PRKAG2: variants seen among roughly 807,000 people sequenced by gnomAD.
The protein encoded by PRKAG2 is 5'-AMP-activated protein kinase subunit gamma-2.
In PRKAG2, 26 loss-of-function variants were observed where a neutral mutation model predicts 69.6. The ratio of observed to expected loss-of-function variants is 0.37; its 90% CI spans 0.27 to 0.52. The LOEUF is 0.52. PRKAG2 is among the 20% of genes least tolerant of loss of function. The probability of loss-of-function intolerance (pLI) is 0.90; values close to 1 mark genes in which losing one functional copy is unlikely to be tolerated. For synonymous variants in PRKAG2, 293 were observed against 285.0 expected (o/e 1.03, Z -0.28); for missense variants, 557 against 740.0 (o/e 0.75, Z 2.87).
chr7:151,765,664 G>T (rs1409835922), intron 3 of PRKAG2, among the ~76,000 whole-genome samples: 2 of 152,106 alleles, frequency 1.3e-5, no homozygotes, highest in Non-Finnish European at 2.9e-5. Context: ...AATTACACCT[G>T]CCATGACCCT....
chr7:151,596,179 A>T (rs1814472328), intron 5 of PRKAG2, among the ~76,000 whole-genome samples: 1 of 152,186 alleles, frequency 6.6e-6, no homozygotes, highest in African/African-American at 2.4e-5. Flanking sequence ...AAGGAAGTTA[A>T]ATTGTCCCTG....
chr7:151,869,828 T>C (rs931111552), intron 1 of PRKAG2, among the ~76,000 whole-genome samples: 4 of 152,208 alleles, frequency 2.6e-5, no homozygotes, highest in Non-Finnish European at 5.9e-5. Context: ...CACAGGCCAG[T>C]CTGAGGACCC....
chr7:151,803,711 G>GT (rs566033763), intron 1 of PRKAG2, among the ~76,000 whole-genome samples: 2,193 of 141,694 alleles, frequency 0.015, 39 homozygotes, highest in African/African-American at 0.028. Context: ...TATCCAGCTT[G>GT]TTTTTTTTTT....
At position 151,835,659 on chromosome 7, in the gene PRKAG2, G is replaced by A. The variant is rs1424987271; in HGVS notation, c.114+40848C>T. Among the ~76,000 whole-genome samples the A allele has an allele frequency of 1.3e-5, 2 of 152,216 alleles. No individual in the cohort carries two copies. The highest frequency in any genetic ancestry group is 2.9e-5 in the Non-Finnish European group (2 of 68,040). On this transcript the variant is annotated intron_variant, in intron 1 of 15. Coordinates refer to ENST00000287878, the MANE Select transcript of PRKAG2 (RefSeq NM_016203.4). The surrounding 1 kb of genome is among the most constrained non-coding windows in gnomAD (Gnocchi z 4.1). Reference sequence around the variant, plus strand: ...AAATTGTCATCACTTGCCAGATAAGGAGAGGTTGCTGTATGGACAGACACA... The same window carrying A: ...AAATTGTCATCACTTGCCAGATAAGAAGAGGTTGCTGTATGGACAGACACA...
chr7:151,671,043 G>A (rs1185649671), intron 4 of PRKAG2, among the ~76,000 whole-genome samples: 1 of 151,974 alleles, frequency 6.6e-6, no homozygotes, highest in Non-Finnish European at 1.5e-5. Flanking sequence ...GTGTGGTGGT[G>A]CATGCCTGTA....
At chr7:151,657,943 AG>A (rs939440512) in intron 4 of PRKAG2, among the ~76,000 whole-genome samples, 3 of 150,862 alleles carry the variant, frequency 2.0e-5, no homozygotes, top group Non-Finnish European at 4.4e-5. Context: ...GGATCACTTG[AG>A]GTCAGGAGTT....
intron 1 of PRKAG2, among the ~76,000 whole-genome samples, chr7:151,852,804 T>C (rs6464176): frequency 0.078 from 11,911 of 152,072 alleles, 945 homozygotes; most frequent in East Asian, 0.39. Context: ...CCACGAGAAT[T>C]AGCTTAGATC....
chr7:151,771,661 T>C lies in PRKAG2; in HGVS notation c.466+9491A>G, dbSNP rs1266067168. ...ACTGGTTTGTAAATATCTTTGTACA[T>C]TAGGGATATTAGTCCTCCATCAATT... On this transcript the variant is annotated intron_variant, in intron 3 of 15. Transcript: ENST00000287878. This position sits in a 1 kb window ranked among gnomAD's most constrained non-coding sequence, Gnocchi z 4.0. 6.6e-6 allele frequency among the ~76,000 whole-genome samples: 1 copy of C among 152,210 alleles called. No individual in the cohort carries two copies. Among genetic ancestry groups the C allele is most frequent in the Non-Finnish European group, 1.5e-5 (1 of 68,048 alleles).
At chr7:151,594,186 G>GA (rs1273210881) in intron 6 of PRKAG2, among the ~76,000 whole-genome samples, 2 of 152,206 alleles carry the variant, frequency 1.3e-5, no homozygotes, top group East Asian at 3.9e-4. Flanking sequence ...CCCTTCCAGG[G>GA]CCCTTGCTGG....
chr7:151,775,055 G>A (rs996798160), intron 3 of PRKAG2, among the ~76,000 whole-genome samples: 3 of 152,168 alleles, frequency 2.0e-5, no homozygotes, highest in Admixed American at 1.3e-4. Flanking sequence ...AGGCTGCATC[G>A]CCCTCCATGG....
intron 5 of PRKAG2, among the ~76,000 whole-genome samples, chr7:151,613,338 T>G (rs1819316961): frequency 1.3e-5 from 2 of 152,162 alleles, no homozygotes; most frequent in African/African-American, 4.8e-5. Flanking sequence ...ATCCAAATTT[T>G]TTTGAGCATC....
intron 14 of PRKAG2, among the ~76,000 whole-genome samples, chr7:151,563,717 C>A (rs1805598490): frequency 6.6e-6 from 1 of 152,182 alleles, no homozygotes; most frequent in South Asian, 2.1e-4. Flanking sequence ...TTAGCTATGA[C>A]TACAGGTCCA....
chr7:151,626,991 G>A (rs1823108063), intron 5 of PRKAG2, among the ~76,000 whole-genome samples: 1 of 152,172 alleles, frequency 6.6e-6, no homozygotes, highest in Non-Finnish European at 1.5e-5. Flanking sequence ...GAATGAATGA[G>A]TTTTGAGTGA....
intron 1 of PRKAG2, among the ~76,000 whole-genome samples, chr7:151,875,362 A>C (rs1439089875): frequency 6.6e-6 from 1 of 152,180 alleles, no homozygotes; most frequent in Non-Finnish European, 1.5e-5. Context: ...CGGGGCGTCT[A>C]AAAGAAGGGT....
chr7:151,628,827 A>G (rs1352602379), intron 5 of PRKAG2, among the ~76,000 whole-genome samples: 1 of 152,256 alleles, frequency 6.6e-6, no homozygotes, highest in Non-Finnish European at 1.5e-5. Flanking sequence ...AGCACTGCTG[A>G]GAACTTGCTA....
At chr7:151,858,676 T>C (rs1280345165) in intron 1 of PRKAG2, among the ~76,000 whole-genome samples, 2 of 152,140 alleles carry the variant, frequency 1.3e-5, no homozygotes, top group Non-Finnish European at 2.9e-5. Flanking sequence ...GAAGAAGGGG[T>C]GACATCGTCA....
At chr7:151,706,634 G>A (rs1838660827) in intron 3 of PRKAG2, among the ~76,000 whole-genome samples, 1 of 152,332 alleles carries the variant, frequency 6.6e-6, no homozygotes, top group African/African-American at 2.4e-5. Flanking sequence ...GGTTTTTATA[G>A]AATTTCAAGC....
At position 151,676,384 on chromosome 7, in the gene PRKAG2, T is replaced by G. The variant is rs570560565; in HGVS notation, c.467-747A>C. On this transcript the variant is annotated intron_variant, in intron 3 of 15. Coordinates refer to ENST00000287878, the MANE Select transcript of PRKAG2 (RefSeq NM_016203.4). ...GCGAAGATAAATACCCAAGGAGACTTCAGGGAAAGGGTGGGACTGGAATGG... is the reference window on the plus strand; with the variant it reads ...GCGAAGATAAATACCCAAGGAGACTGCAGGGAAAGGGTGGGACTGGAATGG... Among the ~76,000 whole-genome samples the G allele has an allele frequency of 2.6e-4, 40 of 151,894 alleles. 1 individual carries two copies. In the South Asian group the frequency reaches 8.1e-3, roughly 31 times the overall value.
rs539480639 is a variant in PRKAG2, at chr7:151,762,696, T to C, written c.466+18456A>G. ...CTTGCCTTTTGCCAGGATGAGCAGC[T>C]GCCTTGCAGGATTGCCATGTGTTCA... On this transcript the variant is annotated intron_variant, in intron 3 of 15. Coordinates refer to ENST00000287878, the MANE Select transcript of PRKAG2 (RefSeq NM_016203.4). Among the ~76,000 whole-genome samples, 7 of 152,340 alleles carry C rather than the reference T, an allele frequency of 4.6e-5. No individual in the cohort carries two copies. The East Asian group carries it at 1.3e-3, about 29-fold the overall frequency.
Sources: allele counts gnomAD v4.1 joint callset (sites outside exome capture counted in the v4.1 genomes callset), GRCh38; gene constraint gnomAD v4.1.1; non-coding constraint Gnocchi (gnomAD v3.1); transcripts MANE v1.5; gene names NCBI Gene and HGNC (gene_info 2026-07-23, HGNC 2026-07-21).